ZDHHC14: variants seen among roughly 807,000 people sequenced by gnomAD.
The protein encoded by ZDHHC14 is palmitoyltransferase ZDHHC14.
A neutral mutation model predicts 47.7 loss-of-function variants in ZDHHC14; 16 were observed. The observed-to-expected ratio is 0.34, with a 90% CI of 0.23 to 0.51. ZDHHC14 has a LOEUF of 0.51. Among genes scored for constraint, ZDHHC14 ranks in the 20% least tolerant of loss-of-function variants. The pLI is 0.97. For synonymous variants in ZDHHC14, 293 were observed against 278.9 expected (o/e 1.05, Z -0.50); for missense variants, 515 against 662.5 (o/e 0.78, Z 2.44).
chr6:157,441,367 G>A (rs1197374844), intron 1 of ZDHHC14, among the ~76,000 whole-genome samples: 1 of 152,188 alleles, frequency 6.6e-6, no homozygotes, highest in Non-Finnish European at 1.5e-5. Flanking sequence ...TGTGAATCTG[G>A]TTATTTGTTC....
chr6:157,447,386 C>T (rs1450648890), intron 1 of ZDHHC14, among the ~76,000 whole-genome samples: 1 of 152,162 alleles, frequency 6.6e-6, no homozygotes, highest in Non-Finnish European at 1.5e-5. Context: ...AAACTCCTTG[C>T]CCAGAAGACC....
chr6:157,600,479 C>T (rs1215942021), intron 3 of ZDHHC14, among the ~76,000 whole-genome samples: 31 of 152,168 alleles, frequency 2.0e-4, no homozygotes, highest in Admixed American at 2.0e-3. Context: ...GAGTGCAGCT[C>T]ACTGCAACCT....
chr6:157,583,280 A>G (rs1474323779), intron 2 of ZDHHC14, among the ~76,000 whole-genome samples: 1 of 152,118 alleles, frequency 6.6e-6, no homozygotes, highest in Non-Finnish European at 1.5e-5. Flanking sequence ...TTGTTTGGAA[A>G]GAAGACACTC....
At position 157,673,513 on chromosome 6, in the gene ZDHHC14, C is replaced by T. The variant is rs1778901901; in HGVS notation, c.*391C>T. On this transcript the variant is annotated 3_prime_UTR_variant, in exon 9 of 9. Coordinates refer to ENST00000359775, the MANE Select transcript of ZDHHC14 (RefSeq NM_024630.3). This position sits in a 1 kb window ranked among gnomAD's most constrained non-coding sequence, Gnocchi z 5.4. Reference sequence around the variant, plus strand: ...CTACTAATATTTGAAACAGACCTGCCATTCCATTTGTTAATTAAAAAAAAA... The same window carrying T: ...CTACTAATATTTGAAACAGACCTGCTATTCCATTTGTTAATTAAAAAAAAA... 5.3e-6 allele frequency: 1 copy of T among 187,388 alleles called. No individual in the cohort carries two copies. The highest frequency in any genetic ancestry group is 6.2e-5 in the Admixed American group (1 of 16,196). 11.6% of individuals were successfully genotyped at this position (187,388 alleles called of 1,614,324 possible). A position where few individuals can be genotyped will look rare whatever the true frequency, so the allele number is the denominator to read the frequency against.
intron 1 of ZDHHC14, among the ~76,000 whole-genome samples, chr6:157,396,788 C>T (rs1363721530): frequency 2.6e-5 from 4 of 152,152 alleles, no homozygotes; most frequent in Admixed American, 1.3e-4. Context: ...CTCTTCCCAT[C>T]ATAACATTAT....
At chr6:157,468,105 T>TAAC (rs894100581) in intron 1 of ZDHHC14, among the ~76,000 whole-genome samples, 85 of 152,194 alleles carry the variant, frequency 5.6e-4, no homozygotes, top group African/African-American at 1.9e-3. Flanking sequence ...AACTATAACC[T>TAAC]AACAACTCCT....
chr6:157,611,946 C>T (rs1003512149), intron 3 of ZDHHC14, among the ~76,000 whole-genome samples: 2 of 152,122 alleles, frequency 1.3e-5, no homozygotes, highest in Non-Finnish European at 1.5e-5. Context: ...TAGCTCAGAC[C>T]TCTCCTCAGA....
intron 1 of ZDHHC14, among the ~76,000 whole-genome samples, chr6:157,390,373 T>C: frequency 6.6e-6 from 1 of 152,218 alleles, no homozygotes; most frequent in Non-Finnish European, 1.5e-5. Flanking sequence ...TGCCTATGTA[T>C]GGTTTTCTTT....
chr6:157,450,763 G>C (rs1778785007), intron 1 of ZDHHC14, among the ~76,000 whole-genome samples: 1 of 152,128 alleles, frequency 6.6e-6, no homozygotes, highest in Non-Finnish European at 1.5e-5. Flanking sequence ...CACTGGCTAA[G>C]GCAAGTGTAC....
chr6:157,454,023 ATT>A (rs1466302920), intron 1 of ZDHHC14, among the ~76,000 whole-genome samples: 1 of 152,114 alleles, frequency 6.6e-6, no homozygotes, highest in Non-Finnish European at 1.5e-5. Context: ...GAAAAATATT[ATT>A]TTCATAGACA....
At chr6:157,521,970 C>T (rs541521879) in intron 1 of ZDHHC14, among the ~76,000 whole-genome samples, 3 of 152,232 alleles carry the variant, frequency 2.0e-5, no homozygotes, top group Admixed American at 6.5e-5. Context: ...ACATTTGAGA[C>T]GGTCTCTTAT....
intron 3 of ZDHHC14, among the ~76,000 whole-genome samples, chr6:157,606,343 G>A (rs139100213): frequency 6.6e-4 from 100 of 152,322 alleles, no homozygotes; most frequent in African/African-American, 2.2e-3. Flanking sequence ...GTGGCTGCCT[G>A]TAATCCCAGC....
intron 1 of ZDHHC14, among the ~76,000 whole-genome samples, chr6:157,403,800 C>T (rs1332515343): frequency 2.6e-5 from 4 of 152,248 alleles, no homozygotes; most frequent in Non-Finnish European, 5.9e-5. Context: ...TGCCACCCAC[C>T]GGTGTCAGGA....
chr6:157,509,900 T>A (rs1780420175), intron 1 of ZDHHC14, among the ~76,000 whole-genome samples: 1 of 152,238 alleles, frequency 6.6e-6, no homozygotes, highest in Admixed American at 6.5e-5. Context: ...CATTGCCATG[T>A]CTCTTCCTGC....
intron 3 of ZDHHC14, among the ~76,000 whole-genome samples, chr6:157,614,346 A>G (rs1784872773): frequency 3.4e-5 from 5 of 146,146 alleles, no homozygotes; most frequent in Admixed American, 6.8e-5. Context: ...ACTTTACCAC[A>G]TTTACTAGCT....
intron 2 of ZDHHC14, among the ~76,000 whole-genome samples, chr6:157,547,247 A>G (rs1001542537): frequency 6.6e-6 from 1 of 152,106 alleles, no homozygotes; most frequent in African/African-American, 2.4e-5. Flanking sequence ...CTTCTCCCCT[A>G]TCTTCGGTCA....
rs749804898 is a variant in ZDHHC14 at position 157,672,868 on chromosome 6, A to G, written c.1213A>G (p.Thr405Ala). 3.1e-5 allele frequency: 50 copies of G among 1,608,872 alleles called. No homozygotes were observed. The highest frequency in any genetic ancestry group is 1.7e-4 in the Middle Eastern group (1 of 6,030). ...CCTGGGCACGCCCTGCGCCAGCCTC[A>G]CACTGGGCCCGCCCACACCGCCCGC... ...PGLGTPCASL[T>A]LGPPTPPASM... Residue 405 changes from threonine to alanine, a missense_variant, in exon 9 of 9, where the codon ACA becomes GCA. By Grantham distance (58) the Thr-to-Ala change is moderately conservative. This residue lies in a region of ZDHHC14 where 221 missense variants were observed against 233.6 expected (regional missense o/e 0.95). Transcript: ENST00000359775.
In ZDHHC14 at chr6:157,430,832, GT is replaced by G. The variant is rs567125327; in HGVS notation, c.245+48567del. On this transcript the variant is annotated intron_variant, in intron 1 of 8. Coordinates refer to ENST00000359775, the MANE Select transcript of ZDHHC14 (RefSeq NM_024630.3). ...TGGCCCTGCCAAGGCATTTGTATTT[GT>G]GTGGCATACAGTAGGGCTGGACATG... 2.2e-3 allele frequency among the ~76,000 whole-genome samples: 329 copies of G among 152,350 alleles called. 4 individuals are homozygous for G. In the Middle Eastern group the frequency reaches 0.024, roughly 11 times the overall value.
intron 2 of ZDHHC14, among the ~76,000 whole-genome samples, chr6:157,572,621 T>C (rs1046179414): frequency 4.0e-5 from 6 of 149,926 alleles, no homozygotes; most frequent in African/African-American, 1.5e-4. Flanking sequence ...ATTAGGTATA[T>C]CTCCTAATGC....
Sources: gnomAD v4.1 joint callset for allele counts (sites outside exome capture counted in the v4.1 genomes callset) on GRCh38, gnomAD v4.1.1 for gene constraint, gnomAD v4.1.1 regional missense constraint, Gnocchi (gnomAD v3.1) non-coding constraint, MANE v1.5 for transcripts, NCBI Gene and HGNC (gene_info 2026-07-23, HGNC 2026-07-21) for gene names.